Variants in CEP164 observed in about 807,000 individuals in gnomAD.
CEP164 encodes the protein centrosomal protein 164.
Under a neutral mutation model 182.7 loss-of-function variants are expected in CEP164, and 162 were observed. The ratio of observed to expected loss-of-function variants is 0.89; its 90% CI spans 0.78 to 1.01. CEP164 has a LOEUF of 1.01. Among genes scored for constraint, CEP164 ranks in the 50% least tolerant of loss-of-function variants. CEP164 has a pLI of 0.00. For synonymous variants in CEP164, 661 were observed against 690.0 expected, an observed-to-expected ratio of 0.96 and a Z score of 0.66; for missense variants, 1,735 against 1,790.4, an observed-to-expected ratio of 0.97 and a Z score of 0.56.
intron 27 of CEP164, among the ~76,000 whole-genome samples, chr11:117,405,348 G>A (rs1463292245): frequency 1.3e-5 from 2 of 152,194 alleles, no homozygotes; most frequent in Non-Finnish European, 2.9e-5. Context: ...TAGTATCTGG[G>A]CCGGAATGCA....
At chr11:117,390,688 G>C in intron 15 of CEP164, 89 bp from the exon 16 acceptor site, 1 of 1,518,244 alleles carries the variant, frequency 6.6e-7, no homozygotes, top group Non-Finnish European at 9.0e-7. Flanking sequence ...CAGGCAACAG[G>C]GCTATTGGAG....
At position 117,354,616 on chromosome 11, in the gene CEP164, C is replaced by T. The variant is rs898474420; in HGVS notation, c.393+2628C>T. On this transcript the variant is annotated intron_variant, in intron 5 of 32. Coordinates refer to ENST00000278935, the MANE Select transcript of CEP164 (RefSeq NM_014956.5). Reference sequence around the variant, plus strand: ...TTGCAAACCATTGATCTAGTCGAACCTCCTCTTTGTAGATAAGGAAACTGG... The same window carrying T: ...TTGCAAACCATTGATCTAGTCGAACTTCCTCTTTGTAGATAAGGAAACTGG... Among the ~76,000 whole-genome samples, 10 of 152,074 alleles carry T rather than the reference C, an allele frequency of 6.6e-5. 1 individual carries two copies. Among genetic ancestry groups the T allele is most frequent in the Non-Finnish European group, 1.2e-4 (8 of 68,030 alleles).
At chr11:117,337,069 A>T (rs904392285) in intron 2 of CEP164, among the ~76,000 whole-genome samples, 1 of 152,154 alleles carries the variant, frequency 6.6e-6, no homozygotes, top group Non-Finnish European at 1.5e-5. Context: ...GAAACCTTGG[A>T]TTCAAGCTGG....
chr11:117,327,087 T>G (rs80009609), upstream of CEP164, among the ~76,000 whole-genome samples: 433 of 152,344 alleles, frequency 2.8e-3, 15 homozygotes, highest in South Asian at 0.056. Flanking sequence ...GAAATAGTTA[T>G]GACAGACATT....
At chr11:117,346,040 A>G (rs539935408) in intron 4 of CEP164, among the ~76,000 whole-genome samples, 144 of 152,094 alleles carry the variant, frequency 9.5e-4, no homozygotes, top group Non-Finnish European at 1.9e-3. Flanking sequence ...TATTGAAGTA[A>G]ATTTGTCAGG....
chr11:117,381,955 A>G, intron 13 of CEP164, 87 bp downstream of exon 13: 1 of 299,536 alleles, frequency 3.3e-6, no homozygotes, highest in Non-Finnish European at 5.5e-6. Context: ...GCTGAGAGAG[A>G]TGGGGGTGGG....
intron 7 of CEP164, 46 bp downstream of exon 7, chr11:117,362,584 A>T (rs1258834010): frequency 6.4e-7 from 1 of 1,558,526 alleles, no homozygotes; most frequent in Non-Finnish European, 8.7e-7. Flanking sequence ...TCTGTGCCAT[A>T]TTTTTTCCTT....
rs765549940 is a variant in CEP164 at position 117,395,624 on chromosome 11, C to G, written c.2991C>G (p.Leu997=). The G allele has an allele frequency of 9.3e-6, 15 of 1,613,826 alleles. No homozygotes were observed. The highest frequency in any genetic ancestry group is 2.7e-5 in the African/African-American group (2 of 74,918). The change falls in exon 24 of 33, where the codon CTC becomes CTG. Residue 997 remains leucine, a synonymous_variant. Transcript: ENST00000278935. ...HTHLLQSNQQ[L]REILDELQAR... The stretch of plus-strand genomic sequence containing the variant: ...ACCTGTTGCAGTCAAACCAGCAGCT[C>G]CGAGAAATTCTTGATGAGCTGCAGG...
chr11:117,371,417 C>T lies in CEP164; in HGVS notation c.1103C>T (p.Pro368Leu). The change falls in exon 9 of 33, where the codon CCA (proline) becomes CTA (leucine). Residue 368 changes from proline (P) to leucine (L), a missense_variant. Physicochemically the swap from Pro to Leu is moderately conservative, Grantham distance 98. Transcript: ENST00000278935. The part of the protein sequence containing the change: ...GSRREEAAKE[P>L]KKKASALEEG... ...AGGAGGGAAGAGGCAGCCAAGGAGC[C>T]AAAGAAGAAGGCTTCTGCTCTGGAA... 1 of 1,613,920 alleles carries T rather than the reference C, an allele frequency of 6.2e-7. No individual in the cohort carries two copies. Among genetic ancestry groups the T allele is most frequent in the East Asian group, 2.2e-5 (1 of 44,878 alleles).
intron 10 of CEP164, among the ~76,000 whole-genome samples, chr11:117,374,421 A>C (rs566456279): frequency 1.8e-4 from 28 of 152,310 alleles, no homozygotes; most frequent in African/African-American, 6.7e-4. Flanking sequence ...TACCTCCAGA[A>C]GCCATCCTCC....
chr11:117,382,230 T>A (rs769642069), intron 13 of CEP164, among the ~76,000 whole-genome samples: 3 of 152,294 alleles, frequency 2.0e-5, no homozygotes, highest in Non-Finnish European at 4.4e-5. Context: ...GCTCCATTCC[T>A]GTCAGGGAAG....
chr11:117,389,745 A>T (rs2044380183), intron 15 of CEP164, among the ~76,000 whole-genome samples: 1 of 152,120 alleles, frequency 6.6e-6, no homozygotes, highest in Non-Finnish European at 1.5e-5. Flanking sequence ...AGGAAGGAAG[A>T]GTGTGGTAGA....
intron 27 of CEP164, among the ~76,000 whole-genome samples, chr11:117,400,650 C>G (rs2046022259): frequency 6.6e-6 from 1 of 152,194 alleles, no homozygotes; most frequent in Non-Finnish European, 1.5e-5. Flanking sequence ...TTTTTGTCCT[C>G]TCTTACTTCC....
At chr11:117,399,032 C>A (rs1036922352) in intron 27 of CEP164, among the ~76,000 whole-genome samples, 50 of 151,950 alleles carry the variant, frequency 3.3e-4, no homozygotes, top group Non-Finnish European at 6.6e-4. Flanking sequence ...CATGTGCAGA[C>A]CATGCAGGTT....
intron 14 of CEP164, chr11:117,386,261 C>T (rs1412009094): frequency 6.6e-6 from 1 of 152,282 alleles, no homozygotes; most frequent in African/African-American, 2.4e-5. Flanking sequence ...AGGAAAGTCA[C>T]TCTGGGAGAC....
chr11:117,342,818 A>T (rs1452948864), intron 3 of CEP164, among the ~76,000 whole-genome samples: 1 of 151,994 alleles, frequency 6.6e-6, no homozygotes, highest in Non-Finnish European at 1.5e-5. Context: ...ACTGTCCTTC[A>T]GTTCTGTGGC....
At chr11:117,372,140 C>T (rs1447403850) in intron 9 of CEP164, among the ~76,000 whole-genome samples, 20 of 142,782 alleles carry the variant, frequency 1.4e-4, no homozygotes, top group African/African-American at 5.2e-4. Flanking sequence ...CAGAGTCTCA[C>T]TCCTTCACCC....
chr11:117,325,613 T>C (rs1042384425), upstream of CEP164, among the ~76,000 whole-genome samples: 1 of 152,136 alleles, frequency 6.6e-6, no homozygotes, highest in African/African-American at 2.4e-5. Flanking sequence ...CTCAAACTCC[T>C]GACCTCAGGC....
At chr11:117,339,551 CAG>C (rs1323814991) in intron 3 of CEP164, among the ~76,000 whole-genome samples, 3 of 94,576 alleles carry the variant, frequency 3.2e-5, no homozygotes, top group African/African-American at 1.3e-4. Context: ...TTTTTTGAGA[CAG>C]AGTCTCACTC....
Sources: allele counts gnomAD v4.1 joint callset (sites outside exome capture counted in the v4.1 genomes callset), GRCh38; gene constraint gnomAD v4.1.1; transcripts MANE v1.5; gene names NCBI Gene and HGNC (gene_info 2026-07-23, HGNC 2026-07-21).